The following RAG1 variants were observed in gnomAD, a reference collection of about 807,000 sequenced individuals.
The protein encoded by RAG1 is V(D)J recombination-activating protein 1.
In RAG1, 35 loss-of-function variants were observed where a neutral mutation model predicts 62.7. The ratio of observed to expected loss-of-function variants is 0.56; its 90% CI spans 0.43 to 0.74. The LOEUF (loss-of-function observed/expected upper bound fraction) is 0.74, where lower values mean the gene tolerates loss of function less well. RAG1 is among the 30% of genes least tolerant of loss of function. RAG1 has a pLI of 0.00. For synonymous variants in RAG1, 461 were observed against 470.3 expected (o/e 0.98, Z 0.26); for missense variants, 1,169 against 1,278.6 (o/e 0.91, Z 1.31).
At chr11:36,533,802 C>T (rs1467909090) in intron 2 of RAG1, among the ~76,000 whole-genome samples, 1 of 152,030 alleles carries the variant, frequency 6.6e-6, no homozygotes, top group East Asian at 1.9e-4. Flanking sequence ...AAGCATCCTT[C>T]ACTTTTGATT....
At chr11:36,520,091 A>C (rs1860055399) in intron 1 of RAG1, 1 of 152,164 alleles carries the variant, frequency 6.6e-6, no homozygotes, top group Non-Finnish European at 1.5e-5. Flanking sequence ...ACTATCCCAC[A>C]GTTCCTAAAT....
intron 2 of RAG1, among the ~76,000 whole-genome samples, chr11:36,531,853 T>G (rs1031799284): frequency 1.3e-5 from 2 of 152,084 alleles, no homozygotes; most frequent in African/African-American, 4.8e-5. Context: ...TATACTTTAT[T>G]GCAATGCAAA....
rs185208960 is a variant in RAG1 at position 36,549,318 on chromosome 11, T to C, written c.-412+13284T>C. 3.5e-3 allele frequency among the ~76,000 whole-genome samples: 539 copies of C among 152,162 alleles called. 29 individuals are homozygous for C. In the East Asian group the frequency reaches 0.09, roughly 25 times the overall value. On this transcript the variant is annotated intron_variant and NMD_transcript_variant, in intron 3 of 9. Coordinates refer to the RAG1 transcript ENST00000534663. ...AGCTTCTGCACAGCAAAAGAAACTATCATCAGAGTGAACAGGCAACCTATG... is the reference window on the plus strand; with the variant it reads ...AGCTTCTGCACAGCAAAAGAAACTACCATCAGAGTGAACAGGCAACCTATG...
chr11:36,540,082 G>A (rs1860392023), downstream of RAG1, among the ~76,000 whole-genome samples: 1 of 152,150 alleles, frequency 6.6e-6, no homozygotes, highest in Admixed American at 6.5e-5. Flanking sequence ...CTAGAGGGCT[G>A]GTCGTGTGAA....
chr11:36,542,555 A>C (rs992555191), intron 3 of RAG1, among the ~76,000 whole-genome samples: 2 of 152,164 alleles, frequency 1.3e-5, no homozygotes, highest in African/African-American at 4.8e-5. Context: ...AGAGCTTGGC[A>C]TCTCTATGGA....
intron 1 of RAG1, among the ~76,000 whole-genome samples, chr11:36,572,421 A>T (rs1444427519): frequency 6.6e-6 from 1 of 152,216 alleles, no homozygotes; most frequent in Non-Finnish European, 1.5e-5. Context: ...GAAGAGAAAC[A>T]TTACTCCCAC....
chr11:36,578,194 A>G lies in RAG1; in HGVS notation c.*1758A>G, dbSNP rs1180255495. The G allele has an allele frequency of 6.0e-6, 1 of 167,100 alleles. No individual in the cohort carries two copies. Among genetic ancestry groups the G allele is most frequent in the Non-Finnish European group, 1.5e-5 (1 of 68,126 alleles). The allele number at this position is 167,100 out of a possible 1,614,324, so 10.4% of individuals were successfully genotyped here. A position where few individuals can be genotyped will look rare whatever the true frequency, so the allele number is the denominator to read the frequency against. On this transcript the variant is annotated 3_prime_UTR_variant, in exon 2 of 2. Transcript: ENST00000299440. ...TTGATAATTTAGTTGTCAAAAGTGCATCGGCGACATTATCTTTAATTGTAT... is the reference window on the plus strand; with the variant it reads ...TTGATAATTTAGTTGTCAAAAGTGCGTCGGCGACATTATCTTTAATTGTAT...
intron 3 of RAG1, among the ~76,000 whole-genome samples, chr11:36,542,274 A>G (rs896877271): frequency 6.6e-6 from 1 of 152,218 alleles, no homozygotes; most frequent in Non-Finnish European, 1.5e-5. Context: ...GAGTCTCTTT[A>G]AAGACAAATA....
At chr11:36,567,829 C>T (rs529603371), upstream of RAG1, among the ~76,000 whole-genome samples, 22 of 152,284 alleles carry the variant, frequency 1.4e-4, no homozygotes, top group African/African-American at 5.1e-4. Flanking sequence ...AGCAAACTCT[C>T]GCACATGGTT....
At chr11:36,529,911 T>C (rs1412477297) in intron 2 of RAG1, among the ~76,000 whole-genome samples, 3 of 152,078 alleles carry the variant, frequency 2.0e-5, no homozygotes, top group Non-Finnish European at 2.9e-5. Flanking sequence ...GATTCCTTAT[T>C]AACTATTTGG....
rs1850890367 is a variant in RAG1 at position 36,578,751 on chromosome 11, G to A, written c.*2315G>A. On this transcript the variant is annotated 3_prime_UTR_variant, in exon 2 of 2. Transcript: ENST00000299440. ...GTAGAAACGCTGCCTATGGTTTTTT[G>A]CCCTTACTGTTGAGACTGCAATATC... 6.0e-6 allele frequency: 1 copy of A among 166,954 alleles called. No individual in the cohort carries two copies. The highest frequency in any genetic ancestry group is 2.4e-5 in the African/African-American group (1 of 41,408). 10.3% of individuals were successfully genotyped at this position (166,954 alleles called of 1,614,324 possible).
At position 36,576,192 on chromosome 11, in the gene RAG1, G is replaced by A. The variant is rs780298593; in HGVS notation, c.2888G>A (p.Gly963Glu). The change falls in exon 2 of 2, where the codon GGA (glycine) becomes GAA (glutamate). Residue 963 changes from glycine to glutamate, a missense_variant. Gly to Glu is a moderately conservative substitution (Grantham distance 98, BLOSUM62 -2). Coordinates refer to ENST00000299440, the MANE Select transcript of RAG1 (RefSeq NM_000448.3). Reference protein sequence around the residue: ...DGSIGAWASEGNESGNKLFRR... With the variant: ...DGSIGAWASEENESGNKLFRR... The stretch of plus-strand genomic sequence containing the variant: ...TCCATTGGGGCATGGGCAAGTGAGG[G>A]AAATGAGTCTGGTAACAAACTGTTT... The A allele has an allele frequency of 1.2e-6, 2 of 1,614,124 alleles. No homozygotes were observed. Among genetic ancestry groups the A allele is most frequent in the Non-Finnish European group, 1.7e-6 (2 of 1,180,028 alleles).
chr11:36,576,413 A>T lies in RAG1; in HGVS notation c.3109A>T (p.Ser1037Cys), dbSNP rs759867032. ...DPLGIEDSLE[S>C]QDSMEF ...ATTAGGCATAGAGGACTCTCTGGAA[A>T]GCCAAGATTCAATGGAATTTTAAGT... The change falls in exon 2 of 2, where the codon AGC becomes TGC. Residue 1037 changes from serine to cysteine, a missense_variant. Around this residue, in one of 2 missense-constraint regions of RAG1, gnomAD observed 800 missense variants for 943.3 expected, o/e 0.85. Coordinates refer to ENST00000299440, the MANE Select transcript of RAG1 (RefSeq NM_000448.3). The T allele has an allele frequency of 1.2e-6, 2 of 1,614,202 alleles. No individual in the cohort carries two copies. Among genetic ancestry groups the T allele is most frequent in the Non-Finnish European group, 1.7e-6 (2 of 1,180,024 alleles).
Position 36,576,636 on chromosome 11 carries a change from C to G in RAG1, c.*200C>G. 2 of 638,530 alleles carry G rather than the reference C, an allele frequency of 3.1e-6. No individual in the cohort carries two copies. The highest frequency in any genetic ancestry group is 2.8e-5 in the East Asian group (1 of 35,258). The allele number at this position is 638,530 out of a possible 1,614,324, so 39.6% of individuals were successfully genotyped here. ...ATTGCTTGAGGCTTTTAGTGAGTTC[C>G]GAAAAGCAACAGGAAAAATCAGTTA... On this transcript the variant is annotated 3_prime_UTR_variant, in exon 2 of 2. Transcript: ENST00000299440.
At chr11:36,512,236 T>G (rs1441223040) in intron 1 of RAG1, among the ~76,000 whole-genome samples, 1 of 152,180 alleles carries the variant, frequency 6.6e-6, no homozygotes, top group Non-Finnish European at 1.5e-5. Flanking sequence ...GGTCAAAGCG[T>G]TTTATTTTCA....
At chr11:36,550,631 G>A (rs191359452) in intron 3 of RAG1, among the ~76,000 whole-genome samples, 49 of 152,242 alleles carry the variant, frequency 3.2e-4, no homozygotes, top group African/African-American at 1.0e-3. Context: ...AGCCTGTGAA[G>A]TTGGAGTTTA....
rs369891733 is a variant in RAG1, at chr11:36,576,393, G to T, written c.3089G>T (p.Gly1030Val). The stretch of plus-strand genomic sequence containing the variant: ...CAGGCAAGCTTAGGGGACCCATTAG[G>T]CATAGAGGACTCTCTGGAAAGCCAA... ...NPQASLGDPL[G>V]IEDSLESQDS... Residue 1030 changes from glycine to valine, a missense_variant, in exon 2 of 2, where the codon GGC becomes GTC. By Grantham distance (109) the Gly-to-Val change is moderately radical. Coordinates refer to ENST00000299440, the MANE Select transcript of RAG1 (RefSeq NM_000448.3). 13 of 1,614,026 alleles carry T rather than the reference G, an allele frequency of 8.1e-6. No individual in the cohort carries two copies. The highest frequency in any genetic ancestry group is 8.0e-5 in the African/African-American group (6 of 74,920).
In RAG1 at chr11:36,576,395, A is replaced by G. The variant is rs564612752; in HGVS notation, c.3091A>G (p.Ile1031Val). ...GGCAAGCTTAGGGGACCCATTAGGC[A>G]TAGAGGACTCTCTGGAAAGCCAAGA... is the stretch of plus-strand genomic sequence containing the variant. ...PQASLGDPLGIEDSLESQDSM... is the reference protein window; with the variant it reads ...PQASLGDPLGVEDSLESQDSM... The change falls in exon 2 of 2, where the codon ATA (isoleucine) becomes GTA (valine). Residue 1031 changes from isoleucine (I) to valine (V), a missense_variant. By Grantham distance (29) the Ile-to-Val change is conservative. Coordinates refer to ENST00000299440, the MANE Select transcript of RAG1 (RefSeq NM_000448.3). 2 of 1,614,198 alleles carry G rather than the reference A, an allele frequency of 1.2e-6. No homozygotes were observed. Among genetic ancestry groups the G allele is most frequent in the Admixed American group, 1.7e-5 (1 of 60,022 alleles).
intron 2 of RAG1, among the ~76,000 whole-genome samples, chr11:36,523,151 CA>C (rs907665864): frequency 2.4e-4 from 37 of 152,104 alleles, no homozygotes; most frequent in African/African-American, 8.7e-4. Flanking sequence ...TGGGAGAGGC[CA>C]GGGGTGGAAT....
Sources: allele counts gnomAD v4.1 joint callset (sites outside exome capture counted in the v4.1 genomes callset), GRCh38; gene constraint gnomAD v4.1.1; regional missense constraint gnomAD v4.1.1; transcripts MANE v1.5; gene names NCBI Gene and HGNC (gene_info 2026-07-23, HGNC 2026-07-21).